Variants in ARHGAP44 observed in about 807,000 individuals in gnomAD.
ARHGAP44 encodes rho GTPase-activating protein 44.
ARHGAP44 carries 43 observed loss-of-function variants against 106.8 expected under a neutral mutation model. The observed-to-expected ratio is 0.40, with a 90% CI of 0.32 to 0.52. The LOEUF (loss-of-function observed/expected upper bound fraction) is 0.52, where lower values mean the gene tolerates loss of function less well. Among genes scored for constraint, ARHGAP44 ranks in the 20% least tolerant of loss-of-function variants. The pLI, the probability that ARHGAP44 is intolerant of heterozygous loss-of-function variation, is 0.48. For synonymous variants in ARHGAP44, 439 were observed against 410.3 expected, an observed-to-expected ratio of 1.07 and a Z score of -0.85; for missense variants, 866 against 1,050.5, an observed-to-expected ratio of 0.82 and a Z score of 2.43.
chr17:12,968,638 C>T (rs2039448747), intron 16 of ARHGAP44, among the ~76,000 whole-genome samples: 2 of 152,082 alleles, frequency 1.3e-5, no homozygotes, highest in South Asian at 4.2e-4. Flanking sequence ...TTGGGTCATC[C>T]AACTCAGCAG....
rs144961690 is a variant in ARHGAP44 at position 12,914,735 on chromosome 17, G to C, written c.276-1165G>C. Among the ~76,000 whole-genome samples the C allele has an allele frequency of 3.7e-3, 555 of 150,178 alleles. 18 individuals are homozygous for C. The East Asian group carries it at 0.067, about 18-fold the overall frequency. On this transcript the variant is annotated intron_variant, in intron 4 of 20. Transcript: ENST00000379672. Reference sequence around the variant, plus strand: ...GGCTTGAACCCAGGAGGCGGAGGTTGCAGTGAGCCAAGATCGTGCCACTGT... The same window carrying C: ...GGCTTGAACCCAGGAGGCGGAGGTTCCAGTGAGCCAAGATCGTGCCACTGT...
chr17:12,990,290 ACAC>A lies in ARHGAP44; in HGVS notation c.*120_*122del. The A allele has an allele frequency of 7.4e-7, 1 of 1,348,268 alleles. No individual in the cohort carries two copies. Among genetic ancestry groups the A allele is most frequent in the Non-Finnish European group, 9.9e-7 (1 of 1,005,078 alleles). 83.5% of individuals were successfully genotyped at this position (1,348,268 alleles called of 1,614,324 possible). A position where few individuals can be genotyped will look rare whatever the true frequency, so the allele number is the denominator to read the frequency against. ...TGCTGGCTCTTTCCTGCCACTGCCA[ACAC>A]GAGGTTGGAATTTGGCAGAAAATTG... On this transcript the variant is annotated 3_prime_UTR_variant, in exon 21 of 21. Transcript: ENST00000379672.
intron 4 of ARHGAP44, among the ~76,000 whole-genome samples, chr17:12,914,267 C>T (rs1420422274): frequency 1.3e-5 from 2 of 152,240 alleles, no homozygotes; most frequent in Non-Finnish European, 1.5e-5. Context: ...AATTAAGACA[C>T]CTACCAGGAC....
chr17:12,916,347 C>T (rs968986857), intron 5 of ARHGAP44, among the ~76,000 whole-genome samples: 1 of 152,070 alleles, frequency 6.6e-6, no homozygotes, highest in Non-Finnish European at 1.5e-5. Flanking sequence ...ACAGCAGCCA[C>T]TCCTTACTAG....
chr17:12,959,742 G>C (rs1334865282), intron 16 of ARHGAP44, among the ~76,000 whole-genome samples: 1 of 152,222 alleles, frequency 6.6e-6, no homozygotes, highest in African/African-American at 2.4e-5. Context: ...ACTTTGGTTA[G>C]AAATTAAAAA....
At chr17:12,818,639 A>T (rs1597885764) in intron 1 of ARHGAP44, among the ~76,000 whole-genome samples, 1 of 152,236 alleles carries the variant, frequency 6.6e-6, no homozygotes, top group South Asian at 2.1e-4. Flanking sequence ...GTCTCAAGAC[A>T]CAGAAACGTC....
intron 7 of ARHGAP44, among the ~76,000 whole-genome samples, chr17:12,935,926 T>C (rs935465694): frequency 6.6e-6 from 1 of 152,162 alleles, no homozygotes; most frequent in African/African-American, 2.4e-5. Context: ...AAAAATAAAA[T>C]TGACTTGCGT....
chr17:12,910,778 G>A (rs577426751), intron 4 of ARHGAP44, among the ~76,000 whole-genome samples: 2 of 151,988 alleles, frequency 1.3e-5, no homozygotes, highest in East Asian at 3.9e-4. Context: ...GAAGTGACAA[G>A]ACAAAAGAGA....
intron 1 of ARHGAP44, among the ~76,000 whole-genome samples, chr17:12,866,169 A>G (rs1048097800): frequency 6.6e-5 from 10 of 152,110 alleles, no homozygotes; most frequent in Admixed American, 4.6e-4. Context: ...ATCTCTTACT[A>G]ATATATTAGA....
Position 12,949,521 on chromosome 17 carries a change from C to T in ARHGAP44, c.974-128C>T, listed in dbSNP as rs939695996. ...TCATACCCATTTCCATAGGAAGCTA[C>T]CATTTGCTGTTGACATGGTGGTCAG... is the stretch of plus-strand genomic sequence containing the variant. On this transcript the variant is annotated intron_variant, in intron 11 of 20. Coordinates refer to ENST00000379672, the MANE Select transcript of ARHGAP44 (RefSeq NM_014859.6). This position sits in a 1 kb window ranked among gnomAD's most constrained non-coding sequence, Gnocchi z 4.1. 3 of 851,934 alleles carry T rather than the reference C, an allele frequency of 3.5e-6. No homozygotes were observed. The highest frequency in any genetic ancestry group is 5.5e-6 in the Non-Finnish European group (3 of 542,770). The allele number at this position is 851,934 out of a possible 1,614,324, so 52.8% of individuals were successfully genotyped here.
intron 1 of ARHGAP44, among the ~76,000 whole-genome samples, chr17:12,884,661 AG>A (rs775747143): frequency 2.0e-5 from 3 of 152,180 alleles, no homozygotes; most frequent in Non-Finnish European, 2.9e-5. Flanking sequence ...TACCTCAAAA[AG>A]TTCCCTCATG....
intron 1 of ARHGAP44, among the ~76,000 whole-genome samples, chr17:12,882,977 T>C (rs1029040158): frequency 4.6e-5 from 7 of 152,162 alleles, no homozygotes; most frequent in African/African-American, 1.7e-4. Flanking sequence ...TAAGAATTTA[T>C]ATTCTTTGTA....
At chr17:12,862,931 A>G (rs2036129699) in intron 1 of ARHGAP44, among the ~76,000 whole-genome samples, 1 of 151,880 alleles carries the variant, frequency 6.6e-6, no homozygotes, top group Non-Finnish European at 1.5e-5. Flanking sequence ...GCAGTGAGCC[A>G]TGATTGTGCC....
intron 1 of ARHGAP44, among the ~76,000 whole-genome samples, chr17:12,879,481 C>A (rs1346489239): frequency 6.6e-6 from 1 of 151,940 alleles, no homozygotes; most frequent in Non-Finnish European, 1.5e-5. Context: ...TGAGTAGATA[C>A]CCAGGAGTGG....
chr17:12,944,225 C>T, intron 10 of ARHGAP44, 29 bp downstream of exon 10: 1 of 1,565,256 alleles, frequency 6.4e-7, no homozygotes, highest in South Asian at 1.2e-5. Flanking sequence ...ACACGCCGCC[C>T]CGGGCAGGTC....
At chr17:12,821,604 A>C (rs2034772582) in intron 1 of ARHGAP44, among the ~76,000 whole-genome samples, 1 of 152,224 alleles carries the variant, frequency 6.6e-6, no homozygotes, top group African/African-American at 2.4e-5. Context: ...CTAGAGAGCC[A>C]TTGCAGTGCC....
At chr17:12,928,534 T>A (rs1244959846) in intron 6 of ARHGAP44, among the ~76,000 whole-genome samples, 1 of 152,232 alleles carries the variant, frequency 6.6e-6, no homozygotes, top group Admixed American at 6.5e-5. Flanking sequence ...TGTACATGTG[T>A]ACATATATCC....
intron 1 of ARHGAP44, among the ~76,000 whole-genome samples, chr17:12,835,283 C>A (rs75077193): frequency 0.025 from 3,829 of 152,132 alleles, 152 homozygotes; most frequent in African/African-American, 0.084. Context: ...CCAACACCCT[C>A]AAGAATAAGA....
chr17:12,807,405 C>T (rs921228152), intron 1 of ARHGAP44, among the ~76,000 whole-genome samples: 21 of 152,184 alleles, frequency 1.4e-4, no homozygotes, highest in African/African-American at 4.3e-4. Context: ...ACTAAACACA[C>T]ACCCAAGACT....
Sources: gnomAD v4.1 joint callset for allele counts (sites outside exome capture counted in the v4.1 genomes callset) on GRCh38, gnomAD v4.1.1 for gene constraint, Gnocchi (gnomAD v3.1) non-coding constraint, MANE v1.5 for transcripts, NCBI Gene and HGNC (gene_info 2026-07-23, HGNC 2026-07-21) for gene names.